Variants in ZMYM6 observed in about 807,000 individuals in gnomAD.
ZMYM6 encodes zinc finger MYM-type protein 6.
A neutral mutation model predicts 134.0 loss-of-function variants in ZMYM6; 90 were observed. That is an observed-to-expected ratio of 0.67 (90% CI 0.57 to 0.80). The LOEUF is 0.80. Ranked by LOEUF, ZMYM6 falls within the 30% of genes least tolerant of loss-of-function variation. The pLI is 0.00. For missense variants in ZMYM6, 1,362 were observed against 1,533.9 expected (o/e 0.89, Z 1.87); for synonymous variants, 481 against 524.1 (o/e 0.92, Z 1.12).
intron 10 of ZMYM6, 123 bp downstream of exon 10, chr1:35,010,324 A>G: frequency 7.4e-7 from 1 of 1,345,212 alleles, no homozygotes; most frequent in South Asian, 1.5e-5. Context: ...CCCGGCCTCC[A>G]AAATACTTCT....
chr1:35,016,192 G>C (rs888896997), intron 4 of ZMYM6, among the ~76,000 whole-genome samples: 2 of 152,064 alleles, frequency 1.3e-5, no homozygotes, highest in Non-Finnish European at 2.9e-5. Context: ...CTCGCGATCC[G>C]CCTGCGTCAG....
chr1:34,997,104 C>T (rs1444999959), intron 14 of ZMYM6, among the ~76,000 whole-genome samples: 4 of 152,308 alleles, frequency 2.6e-5, no homozygotes, highest in African/African-American at 9.6e-5. Context: ...CCCTCTGCAG[C>T]ACTTTTATCA....
intron 11 of ZMYM6, among the ~76,000 whole-genome samples, chr1:35,007,536 C>T (rs935773170): frequency 4.0e-5 from 6 of 151,608 alleles, no homozygotes; most frequent in South Asian, 2.1e-4. Flanking sequence ...TGCAGTGAGC[C>T]GAGATCGCGT....
intron 11 of ZMYM6, 37 bp downstream of exon 11, chr1:35,008,715 T>C (rs920195087): frequency 6.3e-7 from 1 of 1,585,810 alleles, no homozygotes; most frequent in African/African-American, 1.4e-5. Context: ...TTTGCACTGA[T>C]TTCAGAAAGC....
Position 35,019,519 on chromosome 1 carries a change from T to C in ZMYM6, c.262A>G (p.Ile88Val), listed in dbSNP as rs774980093. 5.0e-6 allele frequency: 8 copies of C among 1,614,050 alleles called. No homozygotes were observed. The highest frequency in any genetic ancestry group is 3.3e-5 in the Admixed American group (2 of 59,998). The change falls in exon 4 of 16, where the codon ATT becomes GTT. Residue 88 changes from isoleucine to valine, a missense_variant. Ile to Val is a conservative substitution (Grantham distance 29). Coordinates refer to ENST00000357182, the MANE Select transcript of ZMYM6 (RefSeq NM_007167.4). ...TTACAACCAGAACAAAAAACCTTAATAGCAACAGCTGGAACTGAAGGAAGC... is the reference window on the plus strand; with the variant it reads ...TTACAACCAGAACAAAAAACCTTAACAGCAACAGCTGGAACTGAAGGAAGC... Reference protein sequence around the residue: ...VLLPSVPAVAIKVFCSGCKKM... With the variant: ...VLLPSVPAVAVKVFCSGCKKM...
intron 1 of ZMYM6, chr1:35,031,142 A>G (rs1420163866): frequency 6.5e-6 from 1 of 152,798 alleles, no homozygotes; most frequent in Non-Finnish European, 1.5e-5. Context: ...CTGACCTATA[A>G]CTCAACCTTC....
chr1:35,008,753 T>C lies in ZMYM6; in HGVS notation c.1664A>G (p.Gln555Arg), dbSNP rs907282531. Reference sequence around the variant, plus strand: ...AAAAAAGTATATTATCACATTTACCTGATAAAACAGAACTGTAAATTTGGA... The same window carrying C: ...AAAAAAGTATATTATCACATTTACCCGATAAAACAGAACTGTAAATTTGGA... ...CMSKFTVLFY[Q>R]MAKCDGCKRQ... Residue 555 changes from glutamine to arginine, a missense_variant and splice_region_variant, in exon 11 of 16, where the codon CAG (glutamine) becomes CGG (arginine). Physicochemically the swap from Gln to Arg is conservative, Grantham distance 43 (BLOSUM62 1). Transcript: ENST00000357182. The C allele has an allele frequency of 3.1e-6, 5 of 1,611,342 alleles. No homozygotes were observed. In the African/African-American group the frequency reaches 6.7e-5, roughly 22 times the overall value.
At position 34,986,521 on chromosome 1, in the gene ZMYM6, A is replaced by C. The variant is rs1640580350; in HGVS notation, c.*583T>G. 1 of 152,090 alleles carries C rather than the reference A, an allele frequency of 6.6e-6. No homozygotes were observed. The highest frequency in any genetic ancestry group is 2.1e-4 in the South Asian group (1 of 4,818). The allele number at this position is 152,090 out of a possible 1,614,324, so 9.4% of individuals were successfully genotyped here. On this transcript the variant is annotated 3_prime_UTR_variant, in exon 16 of 16. Coordinates refer to ENST00000357182, the MANE Select transcript of ZMYM6 (RefSeq NM_007167.4). ...AGGTCAGGAGATAGAGACCAGCCTGACCAATATGGTGAAACCCCGTCTCTA... is the reference window on the plus strand; with the variant it reads ...AGGTCAGGAGATAGAGACCAGCCTGCCCAATATGGTGAAACCCCGTCTCTA...
intron 11 of ZMYM6, among the ~76,000 whole-genome samples, chr1:35,007,825 TG>T (rs1167620754): frequency 1.4e-5 from 2 of 141,168 alleles, no homozygotes; most frequent in African/African-American, 2.6e-5. Context: ...GGCTGGGGGA[TG>T]GGGGGTGGGC....
chr1:35,027,482 C>T (rs1641435151), intron 2 of ZMYM6, among the ~76,000 whole-genome samples: 1 of 152,134 alleles, frequency 6.6e-6, no homozygotes, highest in Non-Finnish European at 1.5e-5. Flanking sequence ...GGCATGATGG[C>T]TCATGCCTGT....
At position 34,986,210 on chromosome 1, in the gene ZMYM6, T is replaced by G. The variant is rs1349561211; in HGVS notation, c.*894A>C. On this transcript the variant is annotated 3_prime_UTR_variant, in exon 16 of 16. Transcript: ENST00000357182. ...TTTTATTTAAAAACAGCCACACTTA[T>G]CTGCATATTGTCTATGGCTGCTTTT... The G allele has an allele frequency of 1.3e-5, 2 of 152,272 alleles. No homozygotes were observed. 9.4% of individuals were successfully genotyped at this position (152,272 alleles called of 1,614,324 possible).
At position 35,013,595 on chromosome 1, in the gene ZMYM6, G is replaced by C. The variant is rs775168793; in HGVS notation, c.796-1014C>G. On this transcript the variant is annotated intron_variant, in intron 6 of 15. Transcript: ENST00000357182. ...TCTTTTCAGTGATGAATGTCCATAT[G>C]TCCATTACCAACTGCTCAAAGGAAG... 1.1e-5 allele frequency: 11 copies of C among 985,286 alleles called. No individual in the cohort carries two copies. In the Admixed American group the frequency reaches 3.7e-4, roughly 33 times the overall value. 61.0% of individuals were successfully genotyped at this position (985,286 alleles called of 1,614,324 possible). A position where few individuals can be genotyped will look rare whatever the true frequency, so the allele number is the denominator to read the frequency against.
At position 35,012,674 on chromosome 1, in the gene ZMYM6, G is replaced by A. The variant is rs114527363; in HGVS notation, c.796-93C>T. On this transcript the variant is annotated intron_variant, in intron 6 of 15. Coordinates refer to ENST00000357182, the MANE Select transcript of ZMYM6 (RefSeq NM_007167.4). ...AAAAAGAAAAGCTACCTACAACCAC[G>A]GTCCTTGGTTGAAATATTTGAGCAT... The A allele has an allele frequency of 6.2e-4, 930 of 1,505,772 alleles. 4 individuals are homozygous for A. In the African/African-American group the frequency reaches 0.01, roughly 16 times the overall value. 93.3% of individuals were successfully genotyped at this position (1,505,772 alleles called of 1,614,324 possible). A position where few individuals can be genotyped will look rare whatever the true frequency, so the allele number is the denominator to read the frequency against.
chr1:35,001,896 A>G (rs1366486636), intron 14 of ZMYM6, among the ~76,000 whole-genome samples: 2 of 152,200 alleles, frequency 1.3e-5, no homozygotes. Flanking sequence ...ACTTTTGCTA[A>G]AGAATGACTC....
At chr1:35,028,968 A>G (rs1569804080) in intron 2 of ZMYM6, among the ~76,000 whole-genome samples, 1 of 151,926 alleles carries the variant, frequency 6.6e-6, no homozygotes, top group Non-Finnish European at 1.5e-5. Flanking sequence ...AGGTGGGTGG[A>G]TCACCTGAGG....
intron 8 of ZMYM6, among the ~76,000 whole-genome samples, chr1:35,011,301 C>G (rs1641081112): frequency 6.6e-6 from 1 of 152,036 alleles, no homozygotes; most frequent in African/African-American, 2.4e-5. Context: ...CTCTCCTTCC[C>G]CCTAAAACTT....
intron 2 of ZMYM6, 99 bp from the exon 3 acceptor site, chr1:35,020,566 TCC>T (rs907591702): frequency 3.3e-5 from 11 of 332,598 alleles, no homozygotes; most frequent in African/African-American, 4.6e-5. Context: ...CCTATTCATC[TCC>T]TTTTTTTTTT....
At chr1:35,001,532 A>G (rs1342255649) in intron 14 of ZMYM6, among the ~76,000 whole-genome samples, 1 of 152,140 alleles carries the variant, frequency 6.6e-6, no homozygotes, top group Non-Finnish European at 1.5e-5. Context: ...AAGCATTCTC[A>G]GAGTACATAA....
intron 2 of ZMYM6, among the ~76,000 whole-genome samples, chr1:35,023,109 C>CT (rs891282639): frequency 5.4e-4 from 80 of 147,360 alleles, no homozygotes; most frequent in East Asian, 9.8e-4. Context: ...AATGCTAGTT[C>CT]TTTTTTTTTT....
Sources: gnomAD v4.1 joint callset for allele counts (sites outside exome capture counted in the v4.1 genomes callset) on GRCh38, gnomAD v4.1.1 for gene constraint, MANE v1.5 for transcripts, NCBI Gene and HGNC (gene_info 2026-07-23, HGNC 2026-07-21) for gene names.